Variants in PDE7B observed in about 807,000 individuals in gnomAD.
PDE7B encodes 3',5'-cyclic-AMP phosphodiesterase 7B.
A neutral mutation model predicts 56.2 loss-of-function variants in PDE7B; 29 were observed. The ratio of observed to expected loss-of-function variants is 0.52; its 90% CI spans 0.38 to 0.70. The LOEUF is 0.70. PDE7B is among the 30% of genes least tolerant of loss of function. The pLI is 0.00. For synonymous variants in PDE7B, 197 were observed against 196.9 expected (o/e 1.00, Z 0.00); for missense variants, 490 against 565.0 (o/e 0.87, Z 1.35).
rs1435294335 is a variant in PDE7B at position 135,926,193 on chromosome 6, TCTC to T, written c.22-21268_22-21266del. 4.0e-5 allele frequency among the ~76,000 whole-genome samples: 6 copies of T among 149,570 alleles called. No individual in the cohort carries two copies. The East Asian group carries it at 1.2e-3, about 30-fold the overall frequency. On this transcript the variant is annotated intron_variant, in intron 1 of 12. Coordinates refer to ENST00000308191, the MANE Select transcript of PDE7B (RefSeq NM_018945.4). ...GCTCCGCCTCCTGGGTTCACGCCATTCTCCTGCCTCAGCCTCCCGAGCAGCTGG... is the reference window on the plus strand; with the variant it reads ...GCTCCGCCTCCTGGGTTCACGCCATTCTGCCTCAGCCTCCCGAGCAGCTGG...
At chr6:136,118,405 C>T (rs1289165077) in intron 3 of PDE7B, among the ~76,000 whole-genome samples, 1 of 152,224 alleles carries the variant, frequency 6.6e-6, no homozygotes, top group Non-Finnish European at 1.5e-5. Context: ...ACAAGCCTGG[C>T]TCTGGGCCTT....
chr6:136,102,269 G>C (rs774483420), intron 2 of PDE7B, among the ~76,000 whole-genome samples: 1 of 152,082 alleles, frequency 6.6e-6, no homozygotes, highest in East Asian at 1.9e-4. Context: ...GAGCTGGTAG[G>C]GGGTGGGTGG....
chr6:136,169,435 C>A (rs1031787939), intron 8 of PDE7B, among the ~76,000 whole-genome samples: 4 of 152,130 alleles, frequency 2.6e-5, no homozygotes, highest in African/African-American at 9.7e-5. Flanking sequence ...ACAGTTTCAC[C>A]AGCAAATTTC....
intron 2 of PDE7B, among the ~76,000 whole-genome samples, chr6:136,087,793 T>C (rs1777317758): frequency 6.6e-6 from 1 of 152,196 alleles, no homozygotes; most frequent in Non-Finnish European, 1.5e-5. Context: ...AGGGCAGTGT[T>C]GTTCTCGCAT....
At chr6:135,913,151 C>A (rs911221010) in intron 1 of PDE7B, among the ~76,000 whole-genome samples, 7 of 152,172 alleles carry the variant, frequency 4.6e-5, no homozygotes, top group Non-Finnish European at 5.9e-5. Context: ...ATCTACAAAA[C>A]AACTTTATAA....
intron 2 of PDE7B, among the ~76,000 whole-genome samples, chr6:136,024,251 T>C (rs1776114884): frequency 2.0e-5 from 3 of 152,180 alleles, no homozygotes; most frequent in African/African-American, 4.8e-5. Context: ...CTGAAACACA[T>C]GTTAAAAGTT....
At position 136,065,753 on chromosome 6, in the gene PDE7B, ATAGTT is replaced by A. The variant is rs369836249; in HGVS notation, c.83-42970_83-42966del. On this transcript the variant is annotated intron_variant, in intron 2 of 12. Coordinates refer to ENST00000308191, the MANE Select transcript of PDE7B (RefSeq NM_018945.4). Reference sequence around the variant, plus strand: ...GTGATCATGTAACGTTTTCATCTAAATAGTTTAGTTTATTCTGGATTTTTCAAAGT... The same window carrying A: ...GTGATCATGTAACGTTTTCATCTAAATAGTTTATTCTGGATTTTTCAAAGT... Among the ~76,000 whole-genome samples the A allele has an allele frequency of 2.6e-3, 396 of 152,338 alleles. 1 individual carries two copies. The highest frequency in any genetic ancestry group is 4.5e-3 in the Non-Finnish European group (306 of 68,030).
chr6:136,153,367 C>T (rs553346777), intron 6 of PDE7B, among the ~76,000 whole-genome samples: 8 of 152,172 alleles, frequency 5.3e-5, no homozygotes, highest in Non-Finnish European at 1.0e-4. Context: ...TATATTGCAT[C>T]CTAAGCATCG....
intron 8 of PDE7B, chr6:136,156,201 G>GTGTT: frequency 3.1e-6 from 1 of 326,602 alleles, no homozygotes; most frequent in Non-Finnish European, 6.0e-6. Flanking sequence ...GTGTGTGTGT[G>GTGTT]TTTTCAGAAA....
chr6:136,114,689 GA>G (rs1777802219), intron 3 of PDE7B: 1 of 152,232 alleles, frequency 6.6e-6, no homozygotes, highest in South Asian at 2.1e-4. Context: ...ATGCTGAGAA[GA>G]TGCTATCCCA....
chr6:135,876,156 ACCT>A (rs995275205), intron 1 of PDE7B, among the ~76,000 whole-genome samples: 4 of 152,166 alleles, frequency 2.6e-5, no homozygotes, highest in African/African-American at 4.8e-5. Context: ...GCTCCTGGGG[ACCT>A]GCTAAGTAGA....
In PDE7B at chr6:136,151,511, A is replaced by G. The variant is rs186044103; in HGVS notation, c.478+256A>G. On this transcript the variant is annotated intron_variant, in intron 6 of 12. Transcript: ENST00000308191. Reference sequence around the variant, plus strand: ...CCCTGTGTAGTCAAAAAATCTGTGTATAGCTTTTGACTCTCAAAAACCTAA... The same window carrying G: ...CCCTGTGTAGTCAAAAAATCTGTGTGTAGCTTTTGACTCTCAAAAACCTAA... Among the ~76,000 whole-genome samples the G allele has an allele frequency of 2.9e-3, 448 of 152,280 alleles. 5 individuals carry two copies. The highest frequency in any genetic ancestry group is 1.9e-3 in the East Asian group (10 of 5,174).
intron 2 of PDE7B, among the ~76,000 whole-genome samples, chr6:135,972,310 T>C (rs1775109134): frequency 6.7e-6 from 1 of 148,450 alleles, no homozygotes; most frequent in Non-Finnish European, 1.5e-5. Flanking sequence ...TCATGGGTCA[T>C]GAGCTTTGAT....
chr6:136,103,991 T>G (rs754666676), intron 2 of PDE7B, among the ~76,000 whole-genome samples: 24 of 152,134 alleles, frequency 1.6e-4, no homozygotes, highest in Non-Finnish European at 3.1e-4. Flanking sequence ...AGCACAAGCT[T>G]TTATTAACCA....
chr6:136,058,633 G>A (rs992494095), intron 2 of PDE7B, among the ~76,000 whole-genome samples: 2 of 152,180 alleles, frequency 1.3e-5, no homozygotes, highest in Non-Finnish European at 1.5e-5. Flanking sequence ...GGTAGATTCA[G>A]GAGGCTTATA....
chr6:136,108,178 A>G (rs557272050), intron 2 of PDE7B, among the ~76,000 whole-genome samples: 4 of 151,608 alleles, frequency 2.6e-5, no homozygotes, highest in Non-Finnish European at 4.4e-5. Flanking sequence ...AAGGGAACCT[A>G]CAAATAAATA....
chr6:135,918,066 C>G (rs1583769037), intron 1 of PDE7B, among the ~76,000 whole-genome samples: 2 of 152,138 alleles, frequency 1.3e-5, no homozygotes, highest in South Asian at 4.2e-4. Context: ...TTAAAAGAAC[C>G]TTTATGCAGA....
intron 1 of PDE7B, among the ~76,000 whole-genome samples, chr6:135,902,570 CA>C (rs1244904754): frequency 6.6e-6 from 1 of 152,048 alleles, no homozygotes; most frequent in Non-Finnish European, 1.5e-5. Context: ...TGCTTAATTT[CA>C]ATATAGAAGG....
At chr6:135,915,069 G>T (rs1776277459) in intron 1 of PDE7B, among the ~76,000 whole-genome samples, 1 of 150,832 alleles carries the variant, frequency 6.6e-6, no homozygotes, top group African/African-American at 2.5e-5. Context: ...CTCCAGCCTG[G>T]GCTACAGAGC....
Sources: gnomAD v4.1 joint callset for allele counts (sites outside exome capture counted in the v4.1 genomes callset) on GRCh38, gnomAD v4.1.1 for gene constraint, MANE v1.5 for transcripts, NCBI Gene and HGNC (gene_info 2026-07-23, HGNC 2026-07-21) for gene names.